FHIT: variants seen among roughly 807,000 people sequenced by gnomAD.
FHIT encodes the protein fragile histidine triad diadenosine triphosphatase.
Under a neutral mutation model 17.9 loss-of-function variants are expected in FHIT, and 19 were observed. That is an observed-to-expected ratio of 1.06 (90% CI 0.74 to 1.56). FHIT has a LOEUF of 1.56. FHIT is among the 40% of genes most tolerant of loss of function. The probability of loss-of-function intolerance (pLI) is 0.00; values close to 1 mark genes in which losing one functional copy is unlikely to be tolerated. For missense variants in FHIT, 248 were observed against 189.2 expected (o/e 1.31, Z -1.82); for synonymous variants, 81 against 69.7 (o/e 1.16, Z -0.81).
intron 2 of FHIT, among the ~76,000 whole-genome samples, chr3:61,148,821 AT>A (rs1378294618): frequency 6.6e-6 from 1 of 152,140 alleles, no homozygotes; most frequent in East Asian, 1.9e-4. Flanking sequence ...TTCATAACTT[AT>A]TGGTTTCAAT....
intron 5 of FHIT, among the ~76,000 whole-genome samples, chr3:60,420,670 C>T (rs1287283489): frequency 6.6e-6 from 1 of 152,110 alleles, no homozygotes; most frequent in African/African-American, 2.4e-5. Flanking sequence ...TGGCAAACTG[C>T]TCATTCATAA....
At chr3:60,603,269 A>G (rs912687144) in intron 4 of FHIT, among the ~76,000 whole-genome samples, 4 of 152,220 alleles carry the variant, frequency 2.6e-5, no homozygotes, top group African/African-American at 9.6e-5. Flanking sequence ...GAAAAAATAC[A>G]TAGCTGAAGC....
chr3:60,223,603 T>C (rs549935052), intron 5 of FHIT, among the ~76,000 whole-genome samples: 1 of 152,316 alleles, frequency 6.6e-6, no homozygotes, highest in South Asian at 2.1e-4. Context: ...CTTCTTTTCA[T>C]TACTCAGTGA....
chr3:61,012,225 GAATAGGTATAATT>G (rs2031831074), intron 3 of FHIT, among the ~76,000 whole-genome samples: 1 of 152,102 alleles, frequency 6.6e-6, no homozygotes, highest in Non-Finnish European at 1.5e-5. Context: ...AGAGAAAGAG[GAATAGGTATAATT>G]AATGGGCATT....
At chr3:60,300,208 G>A (rs773863539) in intron 5 of FHIT, among the ~76,000 whole-genome samples, 2 of 152,012 alleles carry the variant, frequency 1.3e-5, no homozygotes, top group Admixed American at 6.6e-5. Context: ...GAGAGGAAGA[G>A]GAAAAAGTAC....
chr3:60,789,175 T>TAGAGAGAG (rs59757824), intron 4 of FHIT, among the ~76,000 whole-genome samples: 171 of 102,676 alleles, frequency 1.7e-3, no homozygotes, highest in African/African-American at 5.2e-3. Context: ...TATATATATA[T>TAGAGAGAG]AGAGAGAGAG....
chr3:61,227,231 G>A (rs192280802), intron 1 of FHIT, among the ~76,000 whole-genome samples: 9 of 152,178 alleles, frequency 5.9e-5, no homozygotes, highest in East Asian at 1.9e-4. Context: ...AGTAAATGAC[G>A]CCATCAAGTC....
intron 3 of FHIT, among the ~76,000 whole-genome samples, chr3:61,028,418 A>AT (rs1288223758): frequency 6.6e-6 from 1 of 152,212 alleles, no homozygotes; most frequent in Non-Finnish European, 1.5e-5. Flanking sequence ...GAGAGATCCC[A>AT]TGAGTTTACA....
At chr3:61,027,667 C>A (rs982091605) in intron 3 of FHIT, among the ~76,000 whole-genome samples, 5 of 152,078 alleles carry the variant, frequency 3.3e-5, no homozygotes, top group African/African-American at 1.2e-4. Flanking sequence ...AATGGAGAAC[C>A]CATTCTTCCA....
intron 1 of FHIT, among the ~76,000 whole-genome samples, chr3:61,250,049 A>G (rs1220470694): frequency 1.3e-5 from 2 of 152,120 alleles, no homozygotes; most frequent in Non-Finnish European, 2.9e-5. Flanking sequence ...AGGTGGACAC[A>G]GGCCGGCAGC....
At chr3:61,154,761 G>T (rs1322341410) in intron 2 of FHIT, among the ~76,000 whole-genome samples, 2 of 152,198 alleles carry the variant, frequency 1.3e-5, no homozygotes, top group Non-Finnish European at 2.9e-5. Flanking sequence ...CTCCCTTGAG[G>T]TGGAAAACCA....
intron 4 of FHIT, among the ~76,000 whole-genome samples, chr3:60,739,386 A>G (rs2042199248): frequency 1.3e-5 from 2 of 152,144 alleles, no homozygotes; most frequent in South Asian, 4.2e-4. Context: ...AGACACTACC[A>G]TGGGACTGGA....
chr3:60,187,244 T>C (rs963689075), intron 5 of FHIT, among the ~76,000 whole-genome samples: 1 of 152,054 alleles, frequency 6.6e-6, no homozygotes, highest in Non-Finnish European at 1.5e-5. Context: ...CAAACTGCAA[T>C]CAACACATCA....
intron 5 of FHIT, among the ~76,000 whole-genome samples, chr3:60,052,390 A>C (rs1333586991): frequency 2.0e-5 from 3 of 152,130 alleles, no homozygotes; most frequent in Non-Finnish European, 4.4e-5. Context: ...TAGAGTCCTT[A>C]GAATCTTTGG....
chr3:60,878,499 T>G (rs1390011827), intron 3 of FHIT, among the ~76,000 whole-genome samples: 1 of 152,140 alleles, frequency 6.6e-6, no homozygotes, highest in Admixed American at 6.5e-5. Flanking sequence ...ACCCCTTTTT[T>G]TTTAATTATA....
chr3:60,125,577 A>G (rs1705504652), intron 5 of FHIT, among the ~76,000 whole-genome samples: 1 of 151,404 alleles, frequency 6.6e-6, no homozygotes, highest in South Asian at 2.1e-4. Flanking sequence ...GGTTGCAGTG[A>G]GCCAAGATCA....
At chr3:60,435,412 A>C (rs2030129545) in intron 5 of FHIT, among the ~76,000 whole-genome samples, 1 of 150,350 alleles carries the variant, frequency 6.7e-6, no homozygotes, top group Non-Finnish European at 1.5e-5. Flanking sequence ...ACTATTGGGG[A>C]ATTATATACT....
At position 60,993,621 on chromosome 3, in the gene FHIT, T is replaced by C. The variant is rs1433972776; in HGVS notation, c.-111+48426A>G. 3.3e-5 allele frequency among the ~76,000 whole-genome samples: 5 copies of C among 152,122 alleles called. No homozygotes were observed. In the East Asian group the frequency reaches 9.6e-4, roughly 29 times the overall value. On this transcript the variant is annotated intron_variant, in intron 3 of 9. Coordinates refer to ENST00000492590, the MANE Select transcript of FHIT (RefSeq NM_002012.4). Reference sequence around the variant, plus strand: ...CCTATGAAATCATATCCTAACTCTCTCCATTAAAACTCTAGAACTGCACTA... The same window carrying C: ...CCTATGAAATCATATCCTAACTCTCCCCATTAAAACTCTAGAACTGCACTA...
chr3:60,391,677 T>G (rs1450632663), intron 5 of FHIT, among the ~76,000 whole-genome samples: 2 of 152,238 alleles, frequency 1.3e-5, no homozygotes, highest in Admixed American at 1.3e-4. Context: ...TGTGCAGGTA[T>G]GTATAGCCTA....
Sources: gnomAD v4.1 joint callset for allele counts (sites outside exome capture counted in the v4.1 genomes callset) on GRCh38, gnomAD v4.1.1 for gene constraint, MANE v1.5 for transcripts, NCBI Gene and HGNC (gene_info 2026-07-23, HGNC 2026-07-21) for gene names.